Variants in TCTN3 observed in about 807,000 individuals in gnomAD.
TCTN3 encodes tectonic-3.
A neutral mutation model predicts 71.3 loss-of-function variants in TCTN3; 57 were observed. The ratio of observed to expected loss-of-function variants is 0.80; its 90% confidence interval spans 0.65 to 1.00. The LOEUF (loss-of-function observed/expected upper bound fraction) is 1.00. Among genes scored for constraint, TCTN3 ranks in the 50% least tolerant of loss-of-function variants. The pLI is 0.00. For synonymous variants in TCTN3, 258 were observed against 267.8 expected (o/e 0.96, Z 0.36); for missense variants, 696 against 719.9 (o/e 0.97, Z 0.38).
chr10:95,667,646 A>T (rs2097926960), intron 13 of TCTN3, among the ~76,000 whole-genome samples: 1 of 152,248 alleles, frequency 6.6e-6, no homozygotes, highest in African/African-American at 2.4e-5. Flanking sequence ...AAAGAAGGAC[A>T]GAGTGAGGCA....
chr10:95,682,853 A>G, intron 11 of TCTN3, 49 bp from the exon 12 acceptor site: 2 of 1,588,176 alleles, frequency 1.3e-6, no homozygotes, highest in Non-Finnish European at 1.7e-6. Flanking sequence ...ACATAATAAT[A>G]TACCTATATT....
At position 95,663,880 on chromosome 10, in the gene TCTN3, G is replaced by A. The variant is rs1253333349; in HGVS notation, c.*187C>T. On this transcript the variant is annotated 3_prime_UTR_variant, in exon 14 of 14. Transcript: ENST00000371217. ...TGCAGAGCCCAAAGCAGAGAGCTAT[G>A]ATGAATAAAATATTTTTATTGCTTT... The A allele has an allele frequency of 8.7e-6, 5 of 573,392 alleles. No individual in the cohort carries two copies. The highest frequency in any genetic ancestry group is 1.5e-5 in the Non-Finnish European group (5 of 324,440). 35.5% of individuals were successfully genotyped at this position (573,392 alleles called of 1,614,324 possible). A position where few individuals can be genotyped will look rare whatever the true frequency, so the allele number is the denominator to read the frequency against.
intron 12 of TCTN3, 30 bp downstream of exon 12, chr10:95,682,621 C>T (rs1262623939): frequency 6.3e-7 from 1 of 1,598,692 alleles, no homozygotes; most frequent in Middle Eastern, 1.7e-4. Flanking sequence ...AAAAATGAGT[C>T]TTCATCAGAA....
In TCTN3 at chr10:95,693,891, G is replaced by A; in HGVS notation, c.9C>T (p.Thr3=). MR[T]PQLALLQVFF... Reference sequence around the variant, plus strand: ...ACACTTGCAGGAGCGCGAGCTGTGGGGTGCGCATGGGGCATTCAGGGCCTC... The same window carrying A: ...ACACTTGCAGGAGCGCGAGCTGTGGAGTGCGCATGGGGCATTCAGGGCCTC... Residue 3 remains threonine (T), a synonymous_variant, in exon 1 of 14, where the codon ACC becomes ACT. Transcript: ENST00000371217. 1 of 1,551,690 alleles carries A rather than the reference G, an allele frequency of 6.4e-7. No individual in the cohort carries two copies.
At chr10:95,679,318 T>C (rs1438947310) in intron 13 of TCTN3, among the ~76,000 whole-genome samples, 1 of 152,194 alleles carries the variant, frequency 6.6e-6, no homozygotes, top group African/African-American at 2.4e-5. Context: ...AAAAATATAA[T>C]TGAATGTTCT....
chr10:95,684,275 G>C (rs1019947180), intron 9 of TCTN3, among the ~76,000 whole-genome samples: 2 of 152,146 alleles, frequency 1.3e-5, no homozygotes, highest in African/African-American at 4.8e-5. Flanking sequence ...TGCTTTGTTG[G>C]GGGCCAGACA....
chr10:95,669,228 A>G lies in TCTN3; in HGVS notation c.1591-4928T>C, dbSNP rs2097928496. Among the ~76,000 whole-genome samples the G allele has an allele frequency of 2.6e-5, 4 of 152,236 alleles. No homozygotes were observed. In the South Asian group the frequency reaches 6.2e-4, roughly 24 times the overall value. On this transcript the variant is annotated intron_variant, in intron 13 of 13. Transcript: ENST00000371217. ...CAAGGATAACTAAGTGTTCAACAGC[A>G]TAGTAGGGCGACTGTATTAATAACA...
chr10:95,685,744 C>CCT (rs34680340), intron 7 of TCTN3, 108 bp from the exon 8 acceptor site: 4 of 721,450 alleles, frequency 5.5e-6, no homozygotes, highest in Admixed American at 2.5e-5. Flanking sequence ...CCTTGACCAC[C>CCT]CTCTCTCTCT....
At chr10:95,677,498 T>TTTTTTTTTTTTTTTTTTTTTTTTTTTTC (rs2097938640) in intron 13 of TCTN3, among the ~76,000 whole-genome samples, 1 of 149,606 alleles carries the variant, frequency 6.7e-6, no homozygotes, top group Non-Finnish European at 1.5e-5. Context: ...TTTTTTTTTT[T>TTTTTTTTTTTTTTTTTTTTTTTTTTTTC]TTTGCTGTAT....
chr10:95,670,513 C>T (rs1453201935), intron 13 of TCTN3, among the ~76,000 whole-genome samples: 2 of 151,876 alleles, frequency 1.3e-5, no homozygotes, highest in Admixed American at 6.6e-5. Context: ...CGTGTGCCAC[C>T]TTGCACATCT....
At chr10:95,692,498 TC>T (rs1432272512) in intron 3 of TCTN3, among the ~76,000 whole-genome samples, 42 of 148,580 alleles carry the variant, frequency 2.8e-4, no homozygotes, top group African/African-American at 9.7e-4. Flanking sequence ...AGGTGGAGGC[TC>T]CGTCTCAAAA....
Position 95,687,718 on chromosome 10 carries a change from T to A in TCTN3, c.501A>T (p.Ser167=). ...IRQFCVHVNN[S]NLNYFQKLQK... Reference sequence around the variant, plus strand: ...GAAGCTTCTGGAAATAGTTTAAGTTTGCTAAAATGTTTTTTAAAAGAAAAA... The same window carrying A: ...GAAGCTTCTGGAAATAGTTTAAGTTAGCTAAAATGTTTTTTAAAAGAAAAA... Residue 167 remains serine (S), a splice_region_variant and synonymous_variant, in exon 4 of 14, where the codon TCA becomes TCT. Transcript: ENST00000371217. The A allele has an allele frequency of 6.2e-7, 1 of 1,605,450 alleles. No individual in the cohort carries two copies. The highest frequency in any genetic ancestry group is 1.1e-5 in the South Asian group (1 of 88,448).
intron 13 of TCTN3, among the ~76,000 whole-genome samples, chr10:95,673,919 C>T (rs939138340): frequency 1.3e-5 from 2 of 152,186 alleles, no homozygotes; most frequent in East Asian, 3.8e-4. Flanking sequence ...TATTTTTGAA[C>T]TCTCTTCTGT....
At chr10:95,683,332 GATTT>G (rs2097944960) in intron 10 of TCTN3, 137 bp from the exon 11 acceptor site, 1 of 1,495,244 alleles carries the variant, frequency 6.7e-7, no homozygotes, top group Non-Finnish European at 8.9e-7. Context: ...ACAAATTTGT[GATTT>G]TTTTCCTCAG....
intron 9 of TCTN3, 22 bp from the exon 10 acceptor site, chr10:95,683,651 G>A: frequency 6.4e-7 from 1 of 1,551,604 alleles, no homozygotes; most frequent in Non-Finnish European, 8.8e-7. Flanking sequence ...GGGAAGAGAA[G>A]TCAATTATGG....
At chr10:95,674,631 AAAG>A (rs1408388533) in intron 13 of TCTN3, among the ~76,000 whole-genome samples, 2 of 152,184 alleles carry the variant, frequency 1.3e-5, no homozygotes, top group African/African-American at 4.8e-5. Flanking sequence ...AACTATCCCA[AAAG>A]GTGCTTTACA....
chr10:95,672,951 T>A (rs981834031), intron 13 of TCTN3, among the ~76,000 whole-genome samples: 8 of 124,922 alleles, frequency 6.4e-5, no homozygotes, highest in African/African-American at 2.3e-4. Flanking sequence ...TCTCAGCTTC[T>A]CAAAGTGCTG....
Position 95,663,987 on chromosome 10 carries a change from T to C in TCTN3, c.*80A>G. The C allele has an allele frequency of 3.5e-6, 4 of 1,146,712 alleles. No individual in the cohort carries two copies. Among genetic ancestry groups the C allele is most frequent in the Non-Finnish European group, 5.2e-6 (4 of 766,394 alleles). 71.0% of individuals were successfully genotyped at this position (1,146,712 alleles called of 1,614,324 possible). On this transcript the variant is annotated 3_prime_UTR_variant, in exon 14 of 14. Transcript: ENST00000371217. The stretch of plus-strand genomic sequence containing the variant: ...TAAATGCTCTCTGGTCATGAGCAGG[T>C]GAGGTTCTATTTAGCCAAGATAAGT...
intron 13 of TCTN3, among the ~76,000 whole-genome samples, chr10:95,679,773 G>A (rs1787212375): frequency 2.0e-5 from 3 of 151,442 alleles, no homozygotes; most frequent in African/African-American, 7.3e-5. Flanking sequence ...TGTAGTTTTA[G>A]TAGAGACGGG....
Sources: gnomAD v4.1 joint callset for allele counts (sites outside exome capture counted in the v4.1 genomes callset) on GRCh38, gnomAD v4.1.1 for gene constraint, MANE v1.5 for transcripts, NCBI Gene and HGNC (gene_info 2026-07-23, HGNC 2026-07-21) for gene names.